The following SPACA7 variants were observed in gnomAD, a reference collection of about 807,000 sequenced individuals.
The protein encoded by SPACA7 is sperm acrosome associated 7.
Under a neutral mutation model 26.3 loss-of-function variants are expected in SPACA7, and 19 were observed. The ratio of observed to expected loss-of-function variants is 0.72; its 90% confidence interval spans 0.50 to 1.06. The LOEUF (loss-of-function observed/expected upper bound fraction) is 1.06, where lower values mean the gene tolerates loss of function less well. SPACA7 is among the 50% of genes least tolerant of loss of function. SPACA7 has a pLI of 0.00. For missense variants in SPACA7, 211 were observed against 229.9 expected (o/e 0.92, Z 0.53); for synonymous variants, 84 against 84.5 (o/e 0.99, Z 0.04).
At position 112,388,929 on chromosome 13, in the gene SPACA7, T is replaced by C. The variant is rs536573361; in HGVS notation, c.95-4092T>C. ...CCTGGGTGGGGGCCACAAGATCAGATGAGCCACTTTATCCATCTGGGTGGT... is the reference window on the plus strand; with the variant it reads ...CCTGGGTGGGGGCCACAAGATCAGACGAGCCACTTTATCCATCTGGGTGGT... On this transcript the variant is annotated intron_variant, in intron 1 of 6. Coordinates refer to ENST00000283550, the MANE Select transcript of SPACA7 (RefSeq NM_145248.5). Among the ~76,000 whole-genome samples, 6 of 152,294 alleles carry C rather than the reference T, an allele frequency of 3.9e-5. No individual in the cohort carries two copies. In the South Asian group the frequency reaches 1.2e-3, roughly 32 times the overall value.
At chr13:112,387,859 G>A (rs1238281585) in intron 1 of SPACA7, among the ~76,000 whole-genome samples, 1 of 151,814 alleles carries the variant, frequency 6.6e-6, no homozygotes, top group Non-Finnish European at 1.5e-5. Flanking sequence ...ACACACATAA[G>A]AAAACAAACA....
chr13:112,432,619 G>A (rs1228392989), intron 6 of SPACA7, 98 bp downstream of exon 6: 2 of 913,790 alleles, frequency 2.2e-6, no homozygotes, highest in Admixed American at 2.0e-5. Context: ...GAGAGCAGGT[G>A]AGCCCAGCCC....
chr13:112,397,213 T>C (rs1201061661), intron 2 of SPACA7, among the ~76,000 whole-genome samples: 1 of 152,226 alleles, frequency 6.6e-6, no homozygotes, highest in Non-Finnish European at 1.5e-5. Flanking sequence ...GAGCTGGTCC[T>C]GGGGTGACCA....
At chr13:112,385,257 T>C (rs1253259619) in intron 1 of SPACA7, among the ~76,000 whole-genome samples, 1 of 152,214 alleles carries the variant, frequency 6.6e-6, no homozygotes, top group Non-Finnish European at 1.5e-5. Context: ...TAAAACTCTC[T>C]GAACTAGACA....
intron 5 of SPACA7, among the ~76,000 whole-genome samples, chr13:112,415,698 C>T (rs1465436098): frequency 1.3e-5 from 2 of 152,150 alleles, no homozygotes; most frequent in African/African-American, 4.8e-5. Flanking sequence ...CATCCCAAGC[C>T]TTCTGCCTCC....
chr13:112,405,184 G>C (rs1349249976), intron 5 of SPACA7, among the ~76,000 whole-genome samples: 1 of 151,490 alleles, frequency 6.6e-6, no homozygotes, highest in East Asian at 1.9e-4. Context: ...GGGTTTCACC[G>C]TGTTAGCCAG....
intron 6 of SPACA7, 32 bp downstream of exon 6, chr13:112,432,553 C>T: frequency 1.3e-6 from 2 of 1,489,044 alleles, no homozygotes; most frequent in Non-Finnish European, 1.9e-6. Flanking sequence ...AGTGTCTTCT[C>T]ATTTGGGGAT....
At chr13:112,425,464 C>T (rs1348462423) in intron 5 of SPACA7, among the ~76,000 whole-genome samples, 1 of 152,230 alleles carries the variant, frequency 6.6e-6, no homozygotes, top group Non-Finnish European at 1.5e-5. Context: ...TTGGGAGTGC[C>T]CTGACTCTGC....
chr13:112,434,623 C>A lies in SPACA7; in HGVS notation c.*74C>A. 8.5e-7 allele frequency: 1 copy of A among 1,179,854 alleles called. No homozygotes were observed. Among genetic ancestry groups the A allele is most frequent in the African/African-American group, 1.5e-5 (1 of 66,000 alleles). 73.1% of individuals were successfully genotyped at this position (1,179,854 alleles called of 1,614,324 possible). The stretch of plus-strand genomic sequence containing the variant: ...CCACCCACCAGCCTCCGGAACAGGG[C>A]ACTTGTGTGCACACGCCCACGTTCT... On this transcript the variant is annotated 3_prime_UTR_variant, in exon 7 of 7. Coordinates refer to ENST00000283550, the MANE Select transcript of SPACA7 (RefSeq NM_145248.5).
intron 3 of SPACA7, among the ~76,000 whole-genome samples, chr13:112,398,372 T>C (rs544561134): frequency 9.9e-5 from 15 of 152,118 alleles, no homozygotes; most frequent in African/African-American, 3.4e-4. Context: ...CTGGGATCTC[T>C]GGAGTGCGTG....
intron 5 of SPACA7, among the ~76,000 whole-genome samples, chr13:112,412,573 T>A (rs1056036979): frequency 1.3e-5 from 2 of 152,172 alleles, no homozygotes; most frequent in African/African-American, 4.8e-5. Flanking sequence ...ACTTCTAATG[T>A]TTTCATAGTT....
chr13:112,390,661 A>G (rs1884829028), intron 1 of SPACA7, among the ~76,000 whole-genome samples: 1 of 152,248 alleles, frequency 6.6e-6, no homozygotes, highest in African/African-American at 2.4e-5. Flanking sequence ...AGTACATCTT[A>G]CATGGCCAGC....
At chr13:112,416,484 A>C (rs1239315812) in intron 5 of SPACA7, among the ~76,000 whole-genome samples, 1 of 152,080 alleles carries the variant, frequency 6.6e-6, no homozygotes, top group Non-Finnish European at 1.5e-5. Context: ...AATGGGTTTC[A>C]CCATGTTGGC....
At chr13:112,398,017 A>C (rs566431642) in intron 2 of SPACA7, 32 bp from the exon 3 acceptor site, 1 of 1,525,066 alleles carries the variant, frequency 6.6e-7, no homozygotes, top group Admixed American at 1.7e-5. Context: ...TGCAGGGCCG[A>C]CTCTAACGTG....
chr13:112,393,145 T>A, intron 2 of SPACA7, 68 bp downstream of exon 2: 1 of 1,342,902 alleles, frequency 7.4e-7, no homozygotes, highest in South Asian at 1.3e-5. Context: ...TCTGTGGCTG[T>A]TTCCCAGATA....
intron 1 of SPACA7, chr13:112,382,608 T>C (rs1279937701): frequency 2.8e-6 from 4 of 1,422,360 alleles, no homozygotes; most frequent in East Asian, 2.5e-5. Flanking sequence ...CCTTTATCTA[T>C]AGTTTTAGTA....
intron 1 of SPACA7, chr13:112,382,491 TG>T (rs1355571022): frequency 3.9e-6 from 6 of 1,550,360 alleles, no homozygotes; most frequent in Non-Finnish European, 4.4e-6. Context: ...GTAGTGGGAA[TG>T]GGAATGAACC....
At chr13:112,389,504 T>C (rs1317511211) in intron 1 of SPACA7, among the ~76,000 whole-genome samples, 1 of 152,230 alleles carries the variant, frequency 6.6e-6, no homozygotes, top group African/African-American at 2.4e-5. Flanking sequence ...CCTAGTAATG[T>C]AAACTTAAAA....
At chr13:112,425,923 T>C (rs1876495428) in intron 5 of SPACA7, among the ~76,000 whole-genome samples, 1 of 152,168 alleles carries the variant, frequency 6.6e-6, no homozygotes, top group African/African-American at 2.4e-5. Flanking sequence ...GGGAACTGAT[T>C]TGATTTCAGC....
Sources: allele counts gnomAD v4.1 joint callset (sites outside exome capture counted in the v4.1 genomes callset), GRCh38; gene constraint gnomAD v4.1.1; transcripts MANE v1.5; gene names NCBI Gene and HGNC (gene_info 2026-07-23, HGNC 2026-07-21).